The following PRXL2A variants were observed in gnomAD, a reference collection of about 807,000 sequenced individuals.
PRXL2A encodes the protein peroxiredoxin like 2A, also known as peroxiredoxin-like 2A.
Under a neutral mutation model 25.6 loss-of-function variants are expected in PRXL2A, and 26 were observed. The observed-to-expected ratio is 1.02, with a 90% CI of 0.74 to 1.41. The LOEUF is 1.41. PRXL2A is among the 40% of genes most tolerant of loss of function. The pLI is 0.00. For synonymous variants in PRXL2A, 98 were observed against 102.9 expected (o/e 0.95, Z 0.29); for missense variants, 246 against 273.9 (o/e 0.90, Z 0.72).
chr10:80,421,593 T>A (rs1379384096), intron 2 of PRXL2A, among the ~76,000 whole-genome samples: 1 of 151,968 alleles, frequency 6.6e-6, no homozygotes, highest in Non-Finnish European at 1.5e-5. Flanking sequence ...CAACCCAGGG[T>A]TTCCCAATCT....
chr10:80,419,103 A>G (rs1163076606), intron 1 of PRXL2A, among the ~76,000 whole-genome samples: 1 of 151,680 alleles, frequency 6.6e-6, no homozygotes, highest in African/African-American at 2.4e-5. Context: ...CTCCTCCCTC[A>G]GCCTCCCAAA....
chr10:80,422,372 G>T (rs1283948325), intron 2 of PRXL2A, 45 bp from the exon 3 acceptor site: 2 of 1,487,304 alleles, frequency 1.3e-6, no homozygotes, highest in Admixed American at 1.7e-5. Flanking sequence ...AGTGATTGGG[G>T]CTGGGCTGGG....
intron 1 of PRXL2A, among the ~76,000 whole-genome samples, chr10:80,417,758 GT>G (rs68052923): frequency 0.73 from 95,404 of 130,416 alleles, 34,377 homozygotes; most frequent in East Asian, 0.95. Context: ...TTTTTTTTTT[GT>G]TTTTTTTTTT....
intron 2 of PRXL2A, among the ~76,000 whole-genome samples, chr10:80,421,880 C>T (rs1188789652): frequency 6.6e-6 from 1 of 152,108 alleles, no homozygotes; most frequent in Non-Finnish European, 1.5e-5. Flanking sequence ...AAATAACTTG[C>T]CCAGAGTTAC....
At chr10:80,424,733 C>G (rs959154375) in intron 3 of PRXL2A, among the ~76,000 whole-genome samples, 1 of 152,026 alleles carries the variant, frequency 6.6e-6, no homozygotes, top group Non-Finnish European at 1.5e-5. Flanking sequence ...TGGTGGTGCG[C>G]CCCTGTAATC....
At chr10:80,431,894 C>A in intron 5 of PRXL2A, 92 bp from the exon 6 acceptor site, 1 of 919,728 alleles carries the variant, frequency 1.1e-6, no homozygotes, top group Non-Finnish European at 1.8e-6. Context: ...GCTATTCAAG[C>A]AAAAGGCTTG....
rs79313938 is a variant in PRXL2A at position 80,427,604 on chromosome 10, A to G, written c.576+108A>G. The G allele has an allele frequency of 2.1e-3, 2,351 of 1,130,130 alleles. 42 individuals carry two copies. The African/African-American group carries it at 0.032, about 15-fold the overall frequency. The allele number at this position is 1,130,130 out of a possible 1,614,324, so 70.0% of individuals were successfully genotyped here. A position where few individuals can be genotyped will look rare whatever the true frequency, so the allele number is the denominator to read the frequency against. On this transcript the variant is annotated intron_variant, in intron 5 of 5. Coordinates refer to ENST00000606162, the MANE Select transcript of PRXL2A (RefSeq NM_032333.5). ...TGACTTTCCCTGTTTTGGGTCTCCT[A>G]GCCTTCCTTCTAGCAAGCCAGGGAA...
At chr10:80,411,791 T>G (rs1460456440) in intron 1 of PRXL2A, among the ~76,000 whole-genome samples, 1 of 152,128 alleles carries the variant, frequency 6.6e-6, no homozygotes, top group African/African-American at 2.4e-5. Flanking sequence ...GTTTTTTGTC[T>G]CCCTCAGCAC....
At chr10:80,426,030 GAC>G (rs762568858) in intron 4 of PRXL2A, 24 bp downstream of exon 4, 9 of 1,613,752 alleles carry the variant, frequency 5.6e-6, no homozygotes, top group Non-Finnish European at 2.5e-6. Context: ...GAGGCTTTTA[GAC>G]ACAGACTGCT....
At chr10:80,410,428 A>G (rs1434729393) in intron 1 of PRXL2A, among the ~76,000 whole-genome samples, 4 of 152,258 alleles carry the variant, frequency 2.6e-5, no homozygotes, top group East Asian at 1.9e-4. Context: ...TGTTCCCACC[A>G]GACCTAGAAC....
chr10:80,425,326 C>T (rs1341229633), intron 3 of PRXL2A, among the ~76,000 whole-genome samples: 1 of 152,170 alleles, frequency 6.6e-6, no homozygotes, highest in African/African-American at 2.4e-5. Flanking sequence ...TATACCCAGC[C>T]ATGTTCTAGG....
chr10:80,420,037 AGGGACATGATCCT>A, intron 1 of PRXL2A: 2 of 986,056 alleles, frequency 2.0e-6, no homozygotes, highest in Non-Finnish European at 2.4e-6. Context: ...GCCCCTACCC[AGGGACATGATCCT>A]GAGCCACCTG....
rs1564698077 is a variant in PRXL2A, at chr10:80,434,579, G to A, written c.*2480G>A. ...GAGAGAGTCCTCAGTATAGAACTGA[G>A]CTTAGCTCCAATCTGTGCAGAGGTG... On this transcript the variant is annotated 3_prime_UTR_variant, in exon 6 of 6. Transcript: ENST00000606162. 2.6e-5 allele frequency: 4 copies of A among 152,196 alleles called. No individual in the cohort carries two copies. Among genetic ancestry groups the A allele is most frequent in the Admixed American group, 2.0e-4 (3 of 15,286 alleles). 9.4% of individuals were successfully genotyped at this position (152,196 alleles called of 1,614,324 possible).
intron 1 of PRXL2A, 130 bp downstream of exon 1, chr10:80,408,773 T>A (rs1844354198): frequency 6.6e-6 from 1 of 152,162 alleles, no homozygotes. Context: ...GGCGCGCCCC[T>A]CGGGCCCGCG....
rs992912790 is a variant in PRXL2A, at chr10:80,434,737, A to G, written c.*2638A>G. 1 of 152,158 alleles carries G rather than the reference A, an allele frequency of 6.6e-6. No homozygotes were observed. Among genetic ancestry groups the G allele is most frequent in the Admixed American group, 6.5e-5 (1 of 15,272 alleles). 9.4% of individuals were successfully genotyped at this position (152,158 alleles called of 1,614,324 possible). On this transcript the variant is annotated 3_prime_UTR_variant, in exon 6 of 6. Coordinates refer to ENST00000606162, the MANE Select transcript of PRXL2A (RefSeq NM_032333.5). The stretch of plus-strand genomic sequence containing the variant: ...TACTAACTCTCAAATTTATTTATCA[A>G]AGTTAGGATCCTAGCCTCCCACAGA...
chr10:80,417,258 A>C (rs1844693579), intron 1 of PRXL2A, among the ~76,000 whole-genome samples: 1 of 152,258 alleles, frequency 6.6e-6, no homozygotes, highest in Non-Finnish European at 1.5e-5. Context: ...TATAGGGAGT[A>C]TGTCGGACCC....
rs1269131410 is a variant in PRXL2A at position 80,436,905 on chromosome 10, C to G, written c.*4806C>G. 7 of 142,776 alleles carry G rather than the reference C, an allele frequency of 4.9e-5. No individual in the cohort carries two copies. In the East Asian group the frequency reaches 1.9e-3, roughly 40 times the overall value. The allele number at this position is 142,776 out of a possible 1,614,324, so 8.8% of individuals were successfully genotyped here. A position where few individuals can be genotyped will look rare whatever the true frequency, so the allele number is the denominator to read the frequency against. On this transcript the variant is annotated 3_prime_UTR_variant, in exon 6 of 6. Transcript: ENST00000606162. Reference sequence around the variant, plus strand: ...AGGAAGGAATCCTGCACAGAGAGGCCAAGAAGAATCTAGACAGCCTTGCTG... The same window carrying G: ...AGGAAGGAATCCTGCACAGAGAGGCGAAGAAGAATCTAGACAGCCTTGCTG...
At chr10:80,426,702 G>A (rs1388810638) in intron 4 of PRXL2A, among the ~76,000 whole-genome samples, 2 of 152,212 alleles carry the variant, frequency 1.3e-5, no homozygotes, top group Non-Finnish European at 2.9e-5. Context: ...CACCTCTGCA[G>A]AAGGTAGCAC....
intron 1 of PRXL2A, chr10:80,413,899 T>C: frequency 8.1e-7 from 1 of 1,232,490 alleles, no homozygotes; most frequent in Non-Finnish European, 1.0e-6. Flanking sequence ...TTCCCAAGTT[T>C]GAAGCGTCTG....
Sources: allele counts gnomAD v4.1 joint callset (sites outside exome capture counted in the v4.1 genomes callset), GRCh38; gene constraint gnomAD v4.1.1; transcripts MANE v1.5; gene names NCBI Gene and HGNC (gene_info 2026-07-23, HGNC 2026-07-21).